The following SUPT3H variants were observed in gnomAD, a reference collection of about 807,000 sequenced individuals.
SUPT3H encodes SPT3 homolog, SAGA and STAGA complex component.
SUPT3H carries 44 observed loss-of-function variants against 44.3 expected under a neutral mutation model. The observed-to-expected ratio is 0.99, with a 90% CI of 0.78 to 1.28. SUPT3H has a LOEUF of 1.28. Among genes scored for constraint, SUPT3H ranks in the 50% most tolerant of loss-of-function variants. SUPT3H has a pLI of 0.00. For missense variants in SUPT3H, 380 were observed against 387.1 expected (o/e 0.98, Z 0.15); for synonymous variants, 124 against 125.6 (o/e 0.99, Z 0.09).
chr6:44,935,384 T>C lies in SUPT3H; in HGVS notation c.802-2621A>G, dbSNP rs146975219. On this transcript the variant is annotated intron_variant, in intron 9 of 10. Coordinates refer to ENST00000371459, the MANE Select transcript of SUPT3H (RefSeq NM_003599.4). ...GTTATTAATAATCTTATATCAGCTA[T>C]AAACACGTGTGAAGAGCATTATACT... 2.0e-5 allele frequency among the ~76,000 whole-genome samples: 3 copies of C among 152,326 alleles called. 1 individual carries two copies. In the East Asian group the frequency reaches 5.8e-4, roughly 29 times the overall value.
chr6:45,278,958 G>A (rs1207516660), intron 2 of SUPT3H, among the ~76,000 whole-genome samples: 5 of 151,758 alleles, frequency 3.3e-5, no homozygotes, highest in African/African-American at 9.7e-5. Flanking sequence ...TTTAAAACTA[G>A]CATATTTCAA....
At chr6:45,207,453 T>C (rs1026994284) in intron 2 of SUPT3H, among the ~76,000 whole-genome samples, 6 of 152,164 alleles carry the variant, frequency 3.9e-5, no homozygotes, top group African/African-American at 1.4e-4. Context: ...TTTGAGAAAT[T>C]ATGCTAAAAA....
chr6:45,337,416 T>C (rs1050964807), intron 2 of SUPT3H, among the ~76,000 whole-genome samples: 3 of 151,788 alleles, frequency 2.0e-5, no homozygotes, highest in African/African-American at 7.2e-5. Flanking sequence ...TTAAAATATA[T>C]AATTAAATCA....
chr6:44,919,965 G>A (rs1263033854), intron 10 of SUPT3H, among the ~76,000 whole-genome samples: 1 of 151,850 alleles, frequency 6.6e-6, no homozygotes, highest in Non-Finnish European at 1.5e-5. Context: ...CACGACCTCC[G>A]CCTCCCAGGT....
At chr6:44,914,696 G>C (rs758486048) in intron 10 of SUPT3H, among the ~76,000 whole-genome samples, 5 of 152,180 alleles carry the variant, frequency 3.3e-5, no homozygotes, top group Non-Finnish European at 7.3e-5. Context: ...GACTCTATCA[G>C]GTGGCTGTTG....
intron 10 of SUPT3H, among the ~76,000 whole-genome samples, chr6:44,928,896 AAAAAAAAAGAAAAG>A (rs1197177198): frequency 7.6e-6 from 1 of 132,440 alleles, no homozygotes; most frequent in Non-Finnish European, 1.6e-5. Flanking sequence ...AAAAAAAAAA[AAAAAAAAAGAAAAG>A]AAAAGAAACA....
intron 2 of SUPT3H, among the ~76,000 whole-genome samples, chr6:45,336,140 AAC>A (rs972044603): frequency 4.6e-5 from 7 of 151,492 alleles, no homozygotes; most frequent in African/African-American, 1.7e-4. Context: ...TTCAAAACCA[AAC>A]ACATATACAT....
intron 1 of SUPT3H, among the ~76,000 whole-genome samples, chr6:45,366,591 G>C (rs570530186): frequency 1.3e-5 from 2 of 152,124 alleles, no homozygotes; most frequent in Non-Finnish European, 2.9e-5. Flanking sequence ...TATAAATTTA[G>C]ATGTATTACC....
At chr6:44,972,009 T>C (rs9369524) in intron 6 of SUPT3H, among the ~76,000 whole-genome samples, 148,937 of 152,036 alleles carry the variant, frequency 0.98, 72,962 homozygotes, top group Middle Eastern at 1. Context: ...CTCCTGACCT[T>C]GTGATCTGTC....
chr6:44,922,878 C>A (rs972970528), intron 10 of SUPT3H, among the ~76,000 whole-genome samples: 26 of 152,086 alleles, frequency 1.7e-4, no homozygotes, highest in Admixed American at 1.6e-3. Context: ...TTTCTCCTGG[C>A]TAATCCTTGT....
At chr6:45,118,107 T>C (rs1801094763) in intron 2 of SUPT3H, among the ~76,000 whole-genome samples, 1 of 152,094 alleles carries the variant, frequency 6.6e-6, no homozygotes, top group South Asian at 2.1e-4. Context: ...AACTTAAAAA[T>C]TTGGCATGCA....
At chr6:45,215,875 A>G (rs1764952795) in intron 2 of SUPT3H, among the ~76,000 whole-genome samples, 2 of 152,206 alleles carry the variant, frequency 1.3e-5, no homozygotes, top group Admixed American at 1.3e-4. Flanking sequence ...TCTGAAGCAG[A>G]ATATAGTCAA....
At chr6:45,136,536 A>T (rs1451772103) in intron 2 of SUPT3H, among the ~76,000 whole-genome samples, 1 of 152,108 alleles carries the variant, frequency 6.6e-6, no homozygotes, top group African/African-American at 2.4e-5. Context: ...AAGAAATTCA[A>T]GTTTAAAAAA....
At chr6:45,048,899 T>C (rs1213958142) in intron 3 of SUPT3H, among the ~76,000 whole-genome samples, 1 of 151,914 alleles carries the variant, frequency 6.6e-6, no homozygotes, top group African/African-American at 2.4e-5. Flanking sequence ...GGAGGGGTTA[T>C]AGAAGGGTTG....
chr6:44,976,323 A>G (rs901010391), intron 6 of SUPT3H, among the ~76,000 whole-genome samples: 9 of 152,174 alleles, frequency 5.9e-5, no homozygotes, highest in African/African-American at 2.2e-4. Flanking sequence ...CTAAATACTT[A>G]AGAAAAAGCA....
chr6:45,069,287 A>T (rs1427893497), intron 3 of SUPT3H, among the ~76,000 whole-genome samples: 1 of 152,222 alleles, frequency 6.6e-6, no homozygotes, highest in Non-Finnish European at 1.5e-5. Context: ...ACAACATTCT[A>T]GGACTCTGAG....
At chr6:45,000,233 G>C (rs1487707259) in intron 6 of SUPT3H, among the ~76,000 whole-genome samples, 1 of 151,696 alleles carries the variant, frequency 6.6e-6, no homozygotes, top group Non-Finnish European at 1.5e-5. Context: ...AAACTTTTCT[G>C]GTATTTGTGA....
intron 2 of SUPT3H, among the ~76,000 whole-genome samples, chr6:45,320,840 G>C (rs941391248): frequency 7.9e-5 from 12 of 152,122 alleles, no homozygotes; most frequent in Non-Finnish European, 1.5e-5. Context: ...AATACTCCTT[G>C]TAAAGTGTAA....
intron 3 of SUPT3H, among the ~76,000 whole-genome samples, chr6:45,052,174 G>T (rs1234292155): frequency 1.3e-5 from 2 of 152,182 alleles, no homozygotes; most frequent in African/African-American, 4.8e-5. Flanking sequence ...CTTTTGAAGA[G>T]AGTCGGTGAT....
Sources: gnomAD v4.1 joint callset for allele counts (sites outside exome capture counted in the v4.1 genomes callset) on GRCh38, gnomAD v4.1.1 for gene constraint, MANE v1.5 for transcripts, NCBI Gene and HGNC (gene_info 2026-07-23, HGNC 2026-07-21) for gene names.